Variants in CLPTM1 observed in about 807,000 individuals in gnomAD.
CLPTM1 encodes CLPTM1 regulator of GABA type A receptor forward trafficking, also known as putative lipid scramblase CLPTM1.
A neutral mutation model predicts 77.3 loss-of-function variants in CLPTM1; 21 were observed. The observed-to-expected ratio is 0.27, with a 90% confidence interval of 0.19 to 0.39. The LOEUF (loss-of-function observed/expected upper bound fraction) is 0.39. Ranked by LOEUF, CLPTM1 falls within the 10% of genes least tolerant of loss-of-function variation. The pLI, the probability that CLPTM1 is intolerant of heterozygous loss-of-function variation, is 1.00. For missense variants in CLPTM1, 642 were observed against 921.2 expected, an observed-to-expected ratio of 0.70 and a Z score of 3.92; for synonymous variants, 373 against 381.0, an observed-to-expected ratio of 0.98 and a Z score of 0.24.
chr19:44,955,456 A>C lies in CLPTM1; in HGVS notation c.61A>C (p.Ser21Arg). Residue 21 changes from serine to arginine, a missense_variant, in exon 1 of 14, where the codon AGC (serine) becomes CGC (arginine). Ser to Arg is a moderately radical substitution (Grantham distance 110). Around this residue, in one of 2 missense-constraint regions of CLPTM1, gnomAD observed 121 missense variants for 120.8 expected, o/e 1.00. Coordinates refer to ENST00000337392, the MANE Select transcript of CLPTM1 (RefSeq NM_001294.4). Reference sequence around the variant, plus strand: ...CGCCGTGGTGGCGGCCGGGGGAGGCAGCTCCGGTCAGGTACGGAGGCCGAG... The same window carrying C: ...CGCCGTGGTGGCGGCCGGGGGAGGCCGCTCCGGTCAGGTACGGAGGCCGAG... ...RSAVVAAGGG[S>R]SGQVTSNGSI... 1.5e-6 allele frequency: 2 copies of C among 1,330,652 alleles called. No homozygotes were observed. Among genetic ancestry groups the C allele is most frequent in the South Asian group, 2.3e-5 (1 of 42,586 alleles). 82.4% of individuals were successfully genotyped at this position (1,330,652 alleles called of 1,614,324 possible).
In CLPTM1 at chr19:44,955,473, G is replaced by C. The variant is rs1970447309; in HGVS notation, c.72+6G>C. 3.0e-6 allele frequency: 4 copies of C among 1,313,648 alleles called. No individual in the cohort carries two copies. Among genetic ancestry groups the C allele is most frequent in the Non-Finnish European group, 3.9e-6 (4 of 1,031,592 alleles). The allele number at this position is 1,313,648 out of a possible 1,614,324, so 81.4% of individuals were successfully genotyped here. A position where few individuals can be genotyped will look rare whatever the true frequency, so the allele number is the denominator to read the frequency against. On this transcript the variant is annotated splice_donor_region_variant and intron_variant, in intron 1 of 13. Transcript: ENST00000337392. ...GGGGAGGCAGCTCCGGTCAGGTACG[G>C]AGGCCGAGAGGGGACTGAGGGGGTT...
chr19:44,982,065 G>T (rs561600397), intron 5 of CLPTM1, among the ~76,000 whole-genome samples: 1 of 151,800 alleles, frequency 6.6e-6, no homozygotes, highest in African/African-American at 2.4e-5. Context: ...TCTAGTGTGT[G>T]TGACTGGGCA....
Position 44,993,291 on chromosome 19 carries a change from T to C in CLPTM1, c.*394T>C, listed in dbSNP as rs1971116629. On this transcript the variant is annotated 3_prime_UTR_variant, in exon 14 of 14. Coordinates refer to ENST00000337392, the MANE Select transcript of CLPTM1 (RefSeq NM_001294.4). ...ACTCCCCCTCCTAGACCGCCGCCCT[T>C]TAACACAGTCTGGATTTAATAAATT... is the stretch of plus-strand genomic sequence containing the variant. 7.1e-6 allele frequency: 3 copies of C among 423,568 alleles called. No homozygotes were observed. The highest frequency in any genetic ancestry group is 1.4e-5 in the Non-Finnish European group (3 of 217,680). The allele number at this position is 423,568 out of a possible 1,614,324, so 26.2% of individuals were successfully genotyped here.
chr19:44,972,963 TC>T, intron 2 of CLPTM1, 123 bp from the exon 3 acceptor site: 1 of 1,351,066 alleles, frequency 7.4e-7, no homozygotes. Context: ...TCTCAGGGCC[TC>T]CCTGACTTGG....
intron 1 of CLPTM1, among the ~76,000 whole-genome samples, chr19:44,959,862 A>G (rs1409161331): frequency 2.0e-5 from 3 of 152,310 alleles, no homozygotes; most frequent in African/African-American, 7.2e-5. Context: ...CCATCCTAAT[A>G]GGTGTGAAGT....
At position 44,993,308 on chromosome 19, in the gene CLPTM1, TAATA is replaced by T. The variant is rs1971116930; in HGVS notation, c.*415_*418del. 1 of 389,796 alleles carries T rather than the reference TAATA, an allele frequency of 2.6e-6. No individual in the cohort carries two copies. The highest frequency in any genetic ancestry group is 5.0e-6 in the Non-Finnish European group (1 of 199,614). The allele number at this position is 389,796 out of a possible 1,614,324, so 24.1% of individuals were successfully genotyped here. ...GCCGCCCTTTAACACAGTCTGGATT[TAATA>T]AATTCATATGGGTGTTTAACTTAAA... On this transcript the variant is annotated 3_prime_UTR_variant, in exon 14 of 14. Coordinates refer to ENST00000337392, the MANE Select transcript of CLPTM1 (RefSeq NM_001294.4).
intron 5 of CLPTM1, among the ~76,000 whole-genome samples, chr19:44,979,180 A>G (rs185642459): frequency 3.3e-5 from 5 of 152,124 alleles, no homozygotes; most frequent in South Asian, 2.1e-4. Flanking sequence ...GGGTTTCGCC[A>G]TGTTGGCCAG....
At chr19:44,955,695 C>T (rs1439819517) in intron 1 of CLPTM1, 17 of 396,768 alleles carry the variant, frequency 4.3e-5, no homozygotes, top group Admixed American at 3.6e-4. Context: ...GGGCGGCCAC[C>T]AGGCTCATTG....
At position 44,974,487 on chromosome 19, in the gene CLPTM1, G is replaced by A. The variant is rs761721741; in HGVS notation, c.358G>A (p.Ala120Thr). 11 of 1,613,958 alleles carry A rather than the reference G, an allele frequency of 6.8e-6. No individual in the cohort carries two copies. In the Admixed American group the frequency reaches 1.3e-4, roughly 20 times the overall value. ...GCACGAGCACTTTACAGACTTCAAC[G>A]CCACGTCGGCACTCTTCTGGGAACA... ...SEHEHFTDFN[A>T]TSALFWEQHD... is the part of the protein sequence containing the mutation. Residue 120 changes from alanine (A) to threonine (T), a missense_variant, in exon 4 of 14, where the codon GCC (alanine) becomes ACC (threonine). Ala to Thr is a moderately conservative substitution (Grantham distance 58, BLOSUM62 0). Transcript: ENST00000337392.
chr19:44,987,991 C>T, intron 8 of CLPTM1, 89 bp from the exon 9 acceptor site: 3 of 952,996 alleles, frequency 3.1e-6, no homozygotes, highest in Middle Eastern at 2.5e-4. Flanking sequence ...CCTCCCTCTA[C>T]AGGCGGCCCC....
rs943996300 is a variant in CLPTM1 at position 44,968,658 on chromosome 19, G to T, written c.186-4429G>T. Reference sequence around the variant, plus strand: ...CACAGGACGTTCTTCAGGGGACTGGGGATCTGGAATCCAAAAAGGCCTGGC... The same window carrying T: ...CACAGGACGTTCTTCAGGGGACTGGTGATCTGGAATCCAAAAAGGCCTGGC... On this transcript the variant is annotated intron_variant, in intron 2 of 13. Coordinates refer to ENST00000337392, the MANE Select transcript of CLPTM1 (RefSeq NM_001294.4). Among the ~76,000 whole-genome samples the T allele has an allele frequency of 2.0e-5, 3 of 152,136 alleles. No homozygotes were observed. The South Asian group carries it at 6.2e-4, about 32-fold the overall frequency.
intron 2 of CLPTM1, among the ~76,000 whole-genome samples, chr19:44,972,315 T>G (rs946089699): frequency 6.6e-6 from 1 of 151,910 alleles, no homozygotes; most frequent in African/African-American, 2.4e-5. Context: ...TGGCGCGATC[T>G]TGGCTCACTG....
chr19:44,965,102 CT>C lies in CLPTM1; in HGVS notation c.185+3032del, dbSNP rs555319232. ...AGATATTCCTTTTATTTTTTTTTTGCTTTTTGGAGATGTATTTTAGCAAAAT... is the reference window on the plus strand; with the variant it reads ...AGATATTCCTTTTATTTTTTTTTTGCTTTTGGAGATGTATTTTAGCAAAAT... On this transcript the variant is annotated intron_variant, in intron 2 of 13. Transcript: ENST00000337392. 3.3e-5 allele frequency among the ~76,000 whole-genome samples: 5 copies of C among 150,480 alleles called. No homozygotes were observed. The East Asian group carries it at 7.8e-4, about 23-fold the overall frequency.
chr19:44,955,448 G>A lies in CLPTM1; in HGVS notation c.53G>A (p.Gly18Glu), dbSNP rs980948842. Residue 18 changes from glycine to glutamate, a missense_variant, in exon 1 of 14, where the codon GGG becomes GAG. Gly to Glu is a moderately conservative substitution (Grantham distance 98). Coordinates refer to ENST00000337392, the MANE Select transcript of CLPTM1 (RefSeq NM_001294.4). ...DGARSAVVAA[G>E]GGSSGQVTSN... is the part of the protein sequence containing the mutation. Reference sequence around the variant, plus strand: ...GCCCGCAGCGCCGTGGTGGCGGCCGGGGGAGGCAGCTCCGGTCAGGTACGG... The same window carrying A: ...GCCCGCAGCGCCGTGGTGGCGGCCGAGGGAGGCAGCTCCGGTCAGGTACGG... The A allele has an allele frequency of 5.2e-5, 70 of 1,334,716 alleles. No individual in the cohort carries two copies. Among genetic ancestry groups the A allele is most frequent in the Non-Finnish European group, 6.1e-5 (64 of 1,045,382 alleles). 82.7% of individuals were successfully genotyped at this position (1,334,716 alleles called of 1,614,324 possible). A position where few individuals can be genotyped will look rare whatever the true frequency, so the allele number is the denominator to read the frequency against.
At chr19:44,960,788 G>C (rs1970532472) in intron 1 of CLPTM1, among the ~76,000 whole-genome samples, 1 of 152,206 alleles carries the variant, frequency 6.6e-6, no homozygotes, top group Non-Finnish European at 1.5e-5. Flanking sequence ...TCAGGCAGCG[G>C]TGGCCACACA....
chr19:44,955,972 C>T (rs1970457886), intron 1 of CLPTM1: 1 of 153,858 alleles, frequency 6.5e-6, no homozygotes, highest in South Asian at 2.1e-4. Flanking sequence ...GAAGGTCATC[C>T]TGGTTAGGTT....
intron 1 of CLPTM1, among the ~76,000 whole-genome samples, chr19:44,957,830 C>T (rs1371611817): frequency 5.3e-5 from 8 of 152,200 alleles, no homozygotes; most frequent in African/African-American, 1.9e-4. Context: ...CTTCCTTCAG[C>T]GAATGCGAAT....
rs891911081 is a variant in CLPTM1 at position 44,993,235 on chromosome 19, TTCA to T, written c.*344_*346del. The T allele has an allele frequency of 1.5e-5, 8 of 529,182 alleles. No homozygotes were observed. The highest frequency in any genetic ancestry group is 2.9e-5 in the Non-Finnish European group (8 of 276,408). The allele number at this position is 529,182 out of a possible 1,614,324, so 32.8% of individuals were successfully genotyped here. ...CCCCCCTACGGGATGCCCACGGCCG[TTCA>T]TCATCTTGTCCCTCGTCCCCCTACC... On this transcript the variant is annotated 3_prime_UTR_variant, in exon 14 of 14. Transcript: ENST00000337392.
chr19:44,990,407 G>C lies in CLPTM1; in HGVS notation c.1145G>C (p.Trp382Ser). The change falls in exon 10 of 14, where the codon TGG becomes TCG. Residue 382 changes from tryptophan to serine, a missense_variant. Physicochemically the swap from Trp to Ser is radical, Grantham distance 177 (BLOSUM62 -3). Around this residue, in one of 2 missense-constraint regions of CLPTM1, gnomAD observed 521 missense variants for 800.4 expected, o/e 0.65. Coordinates refer to ENST00000337392, the MANE Select transcript of CLPTM1 (RefSeq NM_001294.4). This position sits in a 1 kb window ranked among gnomAD's most constrained non-coding sequence, Gnocchi z 4.8. ...CCCCTGCGCACAGATATCCAGTTCTGGAACAGCCGGCAGTCCCTGGAGGGC... is the reference window on the plus strand; with the variant it reads ...CCCCTGCGCACAGATATCCAGTTCTCGAACAGCCGGCAGTCCCTGGAGGGC... Reference protein sequence around the residue: ...FLAFKNDIQFWNSRQSLEGLS... With the variant: ...FLAFKNDIQFSNSRQSLEGLS... 1 of 1,613,974 alleles carries C rather than the reference G, an allele frequency of 6.2e-7. No individual in the cohort carries two copies. Among genetic ancestry groups the C allele is most frequent in the Non-Finnish European group, 8.5e-7 (1 of 1,179,928 alleles).
Sources: allele counts gnomAD v4.1 joint callset (sites outside exome capture counted in the v4.1 genomes callset), GRCh38; gene constraint gnomAD v4.1.1; regional missense constraint gnomAD v4.1.1; non-coding constraint Gnocchi (gnomAD v3.1); transcripts MANE v1.5; gene names NCBI Gene and HGNC (gene_info 2026-07-23, HGNC 2026-07-21).